TENM3: variants seen among roughly 807,000 people sequenced by gnomAD.
TENM3 encodes teneurin transmembrane protein 3, also known as teneurin-3.
A neutral mutation model predicts 255.1 loss-of-function variants in TENM3; 63 were observed. The ratio of observed to expected loss-of-function variants is 0.25; its 90% CI spans 0.20 to 0.30. TENM3 has a LOEUF of 0.30. TENM3 is among the 10% of genes least tolerant of loss of function. The pLI, the probability that TENM3 is intolerant of heterozygous loss-of-function variation, is 1.00. For missense variants in TENM3, 2,929 were observed against 3,461.1 expected, an observed-to-expected ratio of 0.85 and a Z score of 3.86; for synonymous variants, 1,306 against 1,322.3, an observed-to-expected ratio of 0.99 and a Z score of 0.27.
the TENM3 span, among the ~76,000 whole-genome samples, chr4:182,058,706 A>G: frequency 6.6e-6 from 1 of 152,124 alleles, no homozygotes; most frequent in Non-Finnish European, 1.5e-5. Flanking sequence ...AAAAAAGCTG[A>G]TATTTTTATC....
At chr4:182,310,847 C>T (rs1299976192) in intron 1 of TENM3, among the ~76,000 whole-genome samples, 2 of 152,126 alleles carry the variant, frequency 1.3e-5, no homozygotes, top group Non-Finnish European at 2.9e-5. Flanking sequence ...GCTGGGACTA[C>T]AGGCGTGTGT....
In TENM3 at chr4:182,754,642, A is replaced by G. The variant is rs1357284972; in HGVS notation, c.4275A>G (p.Lys1425=). The stretch of plus-strand genomic sequence containing the variant: ...ACATTACTGAAACTGATGAGAAGAA[A>G]ATTAACCGGATAAGGCAGGTCACAA... ...VLYITETDEK[K]INRIRQVTTD... The change falls in exon 22 of 28, where the codon AAA becomes AAG. Residue 1425 remains lysine, a synonymous_variant. Transcript: ENST00000511685. This position sits in a 1 kb window ranked among gnomAD's most constrained non-coding sequence, Gnocchi z 5.1. 5 of 1,613,980 alleles carry G rather than the reference A, an allele frequency of 3.1e-6. No homozygotes were observed. The highest frequency in any genetic ancestry group is 4.2e-6 in the Non-Finnish European group (5 of 1,179,888).
At chr4:182,356,092 G>A (rs554131524) in intron 3 of TENM3, among the ~76,000 whole-genome samples, 1 of 151,882 alleles carries the variant, frequency 6.6e-6, no homozygotes, top group Non-Finnish European at 1.5e-5. Flanking sequence ...TAAGGTTATA[G>A]ATGAAGCACC....
chr4:182,765,721 G>A (rs1328013502), intron 22 of TENM3, among the ~76,000 whole-genome samples: 1 of 152,102 alleles, frequency 6.6e-6, no homozygotes, highest in African/African-American at 2.4e-5. Context: ...CTAACTGCAT[G>A]ACTGTGAGAG....
At chr4:182,057,907 C>T in the TENM3 span, among the ~76,000 whole-genome samples, 1 of 151,848 alleles carries the variant, frequency 6.6e-6, no homozygotes, top group Non-Finnish European at 1.5e-5. Flanking sequence ...CAAATAAAGG[C>T]CTCAAGTGTT....
intron 3 of TENM3, among the ~76,000 whole-genome samples, chr4:182,417,782 G>A (rs1184991994): frequency 6.6e-6 from 1 of 152,160 alleles, no homozygotes. Context: ...TAGGACGAAA[G>A]CTGAAGATAA....
In TENM3 at chr4:182,681,829, C is replaced by G. The variant is rs761275980; in HGVS notation, c.1850C>G (p.Pro617Arg). 1.2e-6 allele frequency: 2 copies of G among 1,613,324 alleles called. No homozygotes were observed. Among genetic ancestry groups the G allele is most frequent in the South Asian group, 2.2e-5 (2 of 90,898 alleles). The part of the protein sequence containing the change: ...ESCEEADCID[P>R]GCSNHGVCIH... Reference sequence around the variant, plus strand: ...TTTACACCAGCTGACTGTATAGACCCTGGGTGTTCTAATCATGGTGTGTGT... The same window carrying G: ...TTTACACCAGCTGACTGTATAGACCGTGGGTGTTCTAATCATGGTGTGTGT... Residue 617 changes from proline (P) to arginine (R), a missense_variant, in exon 11 of 28, where the codon CCT (proline) becomes CGT (arginine). Transcript: ENST00000511685.
the TENM3 span, among the ~76,000 whole-genome samples, chr4:181,552,275 A>T: frequency 6.6e-6 from 1 of 152,312 alleles, no homozygotes; most frequent in African/African-American, 2.4e-5. Context: ...CTTTGGCAGA[A>T]AACTACACTG....
chr4:181,504,333 C>T, the TENM3 span, among the ~76,000 whole-genome samples: 2 of 152,280 alleles, frequency 1.3e-5, no homozygotes, highest in East Asian at 3.9e-4. Context: ...CTGCATTTTC[C>T]CCCAATCCTT....
At chr4:181,470,120 A>AAAC in the TENM3 span, among the ~76,000 whole-genome samples, 2 of 21,316 alleles carry the variant, frequency 9.4e-5, no homozygotes, top group East Asian at 6.8e-4. Flanking sequence ...AAAAAAAAAA[A>AAAC]AAAAACATTA....
the TENM3 span, among the ~76,000 whole-genome samples, chr4:181,525,396 C>CAAAAAAAAAAAAAAAAAAAAAAAAAAAAA: frequency 2.5e-4 from 24 of 97,280 alleles, no homozygotes; most frequent in South Asian, 4.0e-4. Flanking sequence ...GACCCTGTTT[C>CAAAAAAAAAAAAAAAAAAAAAAAAAAAAA]AAAAAAAAAA....
chr4:181,931,378 A>C, the TENM3 span, among the ~76,000 whole-genome samples: 1 of 152,318 alleles, frequency 6.6e-6, no homozygotes. Flanking sequence ...ATTACAGACA[A>C]ACAGAGAGCC....
chr4:182,299,013 A>AGT, intron 1 of TENM3, among the ~76,000 whole-genome samples: 1 of 94,294 alleles, frequency 1.1e-5, no homozygotes, highest in South Asian at 3.1e-4. Context: ...AAAAAAAAAA[A>AGT]AAAGAGGTAA....
intron 24 of TENM3, among the ~76,000 whole-genome samples, chr4:182,787,513 C>T (rs1561253218): frequency 6.6e-6 from 1 of 151,988 alleles, no homozygotes; most frequent in Non-Finnish European, 1.5e-5. Flanking sequence ...GTGGGTGGAT[C>T]ACCTGAGGTC....
At chr4:181,472,577 G>T in the TENM3 span, among the ~76,000 whole-genome samples, 1 of 151,392 alleles carries the variant, frequency 6.6e-6, no homozygotes, top group Non-Finnish European at 1.5e-5. Flanking sequence ...CTGGGCAAGG[G>T]CAGGAAATCC....
chr4:181,725,012 T>C, the TENM3 span, among the ~76,000 whole-genome samples: 14 of 152,212 alleles, frequency 9.2e-5, no homozygotes, highest in African/African-American at 3.4e-4. Context: ...AACTGTACTC[T>C]CTACTGTGTT....
At chr4:181,834,205 G>T in the TENM3 span, among the ~76,000 whole-genome samples, 3 of 151,380 alleles carry the variant, frequency 2.0e-5, no homozygotes, top group East Asian at 5.8e-4. Context: ...GTGGTTGCTT[G>T]ACAACTTCTT....
At chr4:181,480,464 C>G in the TENM3 span, among the ~76,000 whole-genome samples, 6 of 152,134 alleles carry the variant, frequency 3.9e-5, no homozygotes, top group East Asian at 1.2e-3. Context: ...ACCAAACATA[C>G]GATTCAGTGT....
chr4:181,857,772 A>G, the TENM3 span, among the ~76,000 whole-genome samples: 3 of 151,776 alleles, frequency 2.0e-5, no homozygotes, highest in East Asian at 5.8e-4. Flanking sequence ...ACAAAAAAAA[A>G]AGAGAGAGAG....
Sources: allele counts gnomAD v4.1 joint callset (sites outside exome capture counted in the v4.1 genomes callset), GRCh38; gene constraint gnomAD v4.1.1; non-coding constraint Gnocchi (gnomAD v3.1); transcripts MANE v1.5; gene names NCBI Gene and HGNC (gene_info 2026-07-23, HGNC 2026-07-21).